The following MINDY4B variants were observed in gnomAD, a reference collection of about 807,000 sequenced individuals.
The protein encoded by MINDY4B is MINDY family member 4B.
Under a neutral mutation model 16.7 loss-of-function variants are expected in MINDY4B, and 25 were observed. That is an observed-to-expected ratio of 1.49 (90% CI 1.09 to 2.09). The LOEUF (loss-of-function observed/expected upper bound fraction) is 2.09. MINDY4B is among the 30% of genes most tolerant of loss of function. MINDY4B has a pLI of 0.00. For missense variants in MINDY4B, 327 were observed against 168.4 expected (o/e 1.94, Z -5.21); for synonymous variants, 132 against 61.9 (o/e 2.13, Z -5.32).
chr3:150,894,128 A>T, intron 4 of MINDY4B, 58 bp downstream of exon 4: 1 of 632,348 alleles, frequency 1.6e-6, no homozygotes, highest in East Asian at 2.7e-5. Context: ...GACAGGAAGG[A>T]TATATGGATA....
chr3:150,883,321 C>A (rs111806417), intron 9 of MINDY4B, among the ~76,000 whole-genome samples: 2,021 of 152,184 alleles, frequency 0.013, 52 homozygotes, highest in African/African-American at 0.046. Context: ...TTCTTTTAAA[C>A]GTTGTTTTCC....
Position 150,891,330 on chromosome 3 carries a change from G to A in MINDY4B, c.522-227C>T, listed in dbSNP as rs946623914. ...AGTGGGAGCCAGTCTTTACACAGTGGGAGACCTTTACTCTGCTTATTTCCC... is the reference window on the plus strand; with the variant it reads ...AGTGGGAGCCAGTCTTTACACAGTGAGAGACCTTTACTCTGCTTATTTCCC... On this transcript the variant is annotated intron_variant, in intron 5 of 11. Coordinates refer to ENST00000465419, the MANE Select transcript of MINDY4B (RefSeq NM_001351281.2). Among the ~76,000 whole-genome samples the A allele has an allele frequency of 2.0e-5, 3 of 152,160 alleles. No homozygotes were observed. In the South Asian group the frequency reaches 6.2e-4, roughly 32 times the overall value.
rs1711785864 is a variant in MINDY4B at position 150,890,972 on chromosome 3, G to A, written c.653C>T (p.Thr218Ile). ...GAAATTGTCCACAGAGTAGTCCGGA[G>A]TCGACGCAACGTAAATGTCCTCAGT... ...LVTEDIYVAS[T>I]PDYSVDNFTE... Residue 218 changes from threonine (T) to isoleucine (I), a missense_variant, in exon 6 of 12, where the codon ACT becomes ATT. Thr to Ile is a moderately conservative substitution (Grantham distance 89, BLOSUM62 -1). Transcript: ENST00000465419. The A allele has an allele frequency of 4.3e-6, 3 of 702,852 alleles. No homozygotes were observed. The highest frequency in any genetic ancestry group is 7.8e-6 in the Non-Finnish European group (3 of 384,844). 43.5% of individuals were successfully genotyped at this position (702,852 alleles called of 1,614,324 possible). A position where few individuals can be genotyped will look rare whatever the true frequency, so the allele number is the denominator to read the frequency against.
chr3:150,895,102 A>G (rs749567063), intron 3 of MINDY4B, among the ~76,000 whole-genome samples: 1 of 152,164 alleles, frequency 6.6e-6, no homozygotes, highest in Non-Finnish European at 1.5e-5. Context: ...GCTCTGGGAT[A>G]AGTGCTTCCC....
chr3:150,893,495 T>C, intron 4 of MINDY4B, 80 bp from the exon 5 acceptor site: 1 of 699,268 alleles, frequency 1.4e-6, no homozygotes, highest in Non-Finnish European at 2.6e-6. Flanking sequence ...GGCTTTTCCC[T>C]CCTGGTATCC....
chr3:150,900,635 A>AT (rs1010886925), intron 3 of MINDY4B, among the ~76,000 whole-genome samples: 47 of 151,744 alleles, frequency 3.1e-4, no homozygotes, highest in African/African-American at 9.4e-4. Context: ...ATCCAAATTT[A>AT]TTTTTTTTTA....
rs35470998 is a variant in MINDY4B at position 150,892,782 on chromosome 3, T to TAAA, written c.521+539_521+541dup. ...CAACATGGTGAAACCCTAGCTCTAC[T>TAAA]AAAAAAAAAAAAAAATACAAAAAAT... On this transcript the variant is annotated intron_variant, in intron 5 of 11. Transcript: ENST00000465419. Among the ~76,000 whole-genome samples the TAAA allele has an allele frequency of 6.2e-3, 862 of 138,240 alleles. 5 individuals carry two copies. The highest frequency in any genetic ancestry group is 0.014 in the Middle Eastern group (4 of 276). The allele number at this position is 138,240 out of a possible 152,430, so 90.7% of individuals were successfully genotyped here.
At position 150,882,918 on chromosome 3, in the gene MINDY4B, C is replaced by G. The variant is rs907108060; in HGVS notation, c.1038G>C (p.Ser346=). ...TCACCTGTGAGAGTCTGTCATCTTCCGAGGCATCCTTACCCCACTGCAAAT... is the reference window on the plus strand; with the variant it reads ...TCACCTGTGAGAGTCTGTCATCTTCGGAGGCATCCTTACCCCACTGCAAAT... ...VGYLQWGKDA[S]EDDRLSQVGS... The change falls in exon 10 of 12, where the codon TCG becomes TCC. Residue 346 remains serine (S), a synonymous_variant. Coordinates refer to ENST00000465419, the MANE Select transcript of MINDY4B (RefSeq NM_001351281.2). The G allele has an allele frequency of 1.4e-6, 1 of 702,378 alleles. No individual in the cohort carries two copies. Among genetic ancestry groups the G allele is most frequent in the Admixed American group, 2.0e-5 (1 of 49,952 alleles). The allele number at this position is 702,378 out of a possible 1,614,324, so 43.5% of individuals were successfully genotyped here.
chr3:150,871,843 TCCAACCAA>T (rs142608119), intron 11 of MINDY4B, among the ~76,000 whole-genome samples: 1 of 152,046 alleles, frequency 6.6e-6, no homozygotes, highest in Non-Finnish European at 1.5e-5. Flanking sequence ...AGACTCCATC[TCCAACCAA>T]CCAACCAACC....
At position 150,897,608 on chromosome 3, in the gene MINDY4B, T is replaced by C. The variant is rs567227074; in HGVS notation, c.310-3303A>G. ...GAAAGACGTGGGAGAAGCATGCATC[T>C]GTAATGTTCTTCCTATGTTGGCCCA... On this transcript the variant is annotated intron_variant, in intron 3 of 11. Transcript: ENST00000465419. Among the ~76,000 whole-genome samples the C allele has an allele frequency of 5.3e-5, 8 of 152,308 alleles. No homozygotes were observed. In the South Asian group the frequency reaches 1.7e-3, roughly 32 times the overall value.
intron 3 of MINDY4B, among the ~76,000 whole-genome samples, chr3:150,900,582 A>G (rs1203858870): frequency 2.0e-5 from 3 of 152,222 alleles, no homozygotes; most frequent in Non-Finnish European, 4.4e-5. Context: ...TGCTACTGCT[A>G]TTTAAAGGAC....
intron 7 of MINDY4B, 25 bp from the exon 8 acceptor site, chr3:150,885,463 A>C (rs1711598007): frequency 1.4e-6 from 1 of 701,920 alleles, no homozygotes. Flanking sequence ...AAAGAAAAGC[A>C]TGTTGGTCTA....
In MINDY4B at chr3:150,903,409, T is replaced by C; in HGVS notation, c.149A>G (p.Glu50Gly). 2.5e-6 allele frequency: 1 copy of C among 398,524 alleles called. No homozygotes were observed. The highest frequency in any genetic ancestry group is 4.4e-6 in the Non-Finnish European group (1 of 225,996). 24.7% of individuals were successfully genotyped at this position (398,524 alleles called of 1,614,324 possible). A position where few individuals can be genotyped will look rare whatever the true frequency, so the allele number is the denominator to read the frequency against. ...TTCATCAGCAGATGTATGGTTGCCT[T>C]CATGATTCTGTGCAAATATCACCCC... ...GTNNSTPQNH[E>G]GNHTSADENE... The change falls in exon 3 of 12, where the codon GAA becomes GGA. Residue 50 changes from glutamate to glycine, a missense_variant. Transcript: ENST00000465419.
intron 8 of MINDY4B, 51 bp downstream of exon 8, chr3:150,885,317 T>C: frequency 1.4e-6 from 1 of 697,208 alleles, no homozygotes. Context: ...ACATTGTTTA[T>C]GTGATCCCAA....
In MINDY4B at chr3:150,883,078, G is replaced by C. The variant is rs201043573; in HGVS notation, c.898-20C>G. The C allele has an allele frequency of 1.5e-6, 1 of 667,152 alleles. No homozygotes were observed. The highest frequency in any genetic ancestry group is 2.7e-6 in the Non-Finnish European group (1 of 366,698). The allele number at this position is 667,152 out of a possible 1,614,324, so 41.3% of individuals were successfully genotyped here. ...AACTGCCTAGAGAGCATATTTTACAGATACTTATATTTTAGATAGCAATGA... is the reference window on the plus strand; with the variant it reads ...AACTGCCTAGAGAGCATATTTTACACATACTTATATTTTAGATAGCAATGA... On this transcript the variant is annotated intron_variant, in intron 9 of 11. Transcript: ENST00000465419.
Position 150,873,180 on chromosome 3 carries a change from T to G in MINDY4B, c.1240+7A>C, listed in dbSNP as rs1717009351. On this transcript the variant is annotated splice_region_variant and intron_variant, in intron 11 of 11. Transcript: ENST00000465419. ...AATCCACAACACCTGGAGTCTGAAATGCTCACCTATTGTAAGACGCACAAG... is the reference window on the plus strand; with the variant it reads ...AATCCACAACACCTGGAGTCTGAAAGGCTCACCTATTGTAAGACGCACAAG... 1 of 700,958 alleles carries G rather than the reference T, an allele frequency of 1.4e-6. No individual in the cohort carries two copies. The allele number at this position is 700,958 out of a possible 1,614,324, so 43.4% of individuals were successfully genotyped here.
chr3:150,873,902 T>C (rs1258271427), intron 10 of MINDY4B, among the ~76,000 whole-genome samples: 1 of 151,660 alleles, frequency 6.6e-6, no homozygotes, highest in African/African-American at 2.4e-5. Flanking sequence ...ATCACACATA[T>C]ACACATATAT....
chr3:150,902,145 G>T (rs1225118203), intron 3 of MINDY4B, among the ~76,000 whole-genome samples: 2 of 152,204 alleles, frequency 1.3e-5, no homozygotes, highest in African/African-American at 4.8e-5. Context: ...CTGGGATCTT[G>T]TGTGCAGTGC....
rs996160340 is a variant in MINDY4B at position 150,894,800 on chromosome 3, A to G, written c.310-495T>C. ...AAAATGGGAACAAGACTTTTTATAAACCAAATGTATGAAAAAAAGGGAATC... is the reference window on the plus strand; with the variant it reads ...AAAATGGGAACAAGACTTTTTATAAGCCAAATGTATGAAAAAAAGGGAATC... On this transcript the variant is annotated intron_variant, in intron 3 of 11. Coordinates refer to ENST00000465419, the MANE Select transcript of MINDY4B (RefSeq NM_001351281.2). Among the ~76,000 whole-genome samples the G allele has an allele frequency of 1.2e-4, 18 of 152,144 alleles. No individual in the cohort carries two copies. In the East Asian group the frequency reaches 3.1e-3, roughly 26 times the overall value.
Sources: allele counts gnomAD v4.1 joint callset (sites outside exome capture counted in the v4.1 genomes callset), GRCh38; gene constraint gnomAD v4.1.1; transcripts MANE v1.5; gene names NCBI Gene and HGNC (gene_info 2026-07-23, HGNC 2026-07-21).